The following OGDH variants were observed in gnomAD, a reference collection of about 807,000 sequenced individuals.
OGDH encodes the protein oxoglutarate dehydrogenase, also known as 2-oxoglutarate dehydrogenase complex component E1.
A neutral mutation model predicts 116.6 loss-of-function variants in OGDH; 38 were observed. The ratio of observed to expected loss-of-function variants is 0.33; its 90% CI spans 0.25 to 0.43. OGDH has a LOEUF of 0.43. Among genes scored for constraint, OGDH ranks in the 20% least tolerant of loss-of-function variants. OGDH has a pLI of 1.00. For missense variants in OGDH, 825 were observed against 1,357.2 expected, an observed-to-expected ratio of 0.61 and a Z score of 6.16; for synonymous variants, 488 against 533.3, an observed-to-expected ratio of 0.92 and a Z score of 1.17.
intron 1 of OGDH, among the ~76,000 whole-genome samples, chr7:44,610,788 T>C (rs1158284307): frequency 6.6e-6 from 1 of 151,996 alleles, no homozygotes. Flanking sequence ...TTTGTATTTT[T>C]AGTAGAGACG....
At position 44,694,545 on chromosome 7, in the gene OGDH, C is replaced by T. The variant is rs117062073; in HGVS notation, c.1637C>T (p.Ser546Leu). 1.5e-5 allele frequency: 24 copies of T among 1,613,940 alleles called. No homozygotes were observed. Among genetic ancestry groups the T allele is most frequent in the Admixed American group, 5.0e-5 (3 of 59,986 alleles). ...VLQKYAELLV[S>L]QGVVNQPEYE... ...CAGAAGTACGCTGAGCTGCTGGTGT[C>T]GCAGGGTGTGGTCAACCAGCCTGAG... Residue 546 changes from serine (S) to leucine (L), a missense_variant, in exon 12 of 23, where the codon TCG becomes TTG. Ser to Leu is a moderately radical substitution (Grantham distance 145). Transcript: ENST00000222673. The surrounding 1 kb of genome is among the most constrained non-coding windows in gnomAD (Gnocchi z 4.2).
intron 10 of OGDH, among the ~76,000 whole-genome samples, chr7:44,685,809 A>G (rs1585364564): frequency 6.6e-6 from 1 of 151,204 alleles, no homozygotes; most frequent in Non-Finnish European, 1.5e-5. Flanking sequence ...TTTCTTGTAG[A>G]GTTAGGGTCT....
At chr7:44,663,919 G>A (rs917659748) in intron 4 of OGDH, among the ~76,000 whole-genome samples, 4 of 151,170 alleles carry the variant, frequency 2.6e-5, no homozygotes, top group South Asian at 2.1e-4. Flanking sequence ...CAGCCTATGC[G>A]ACAGAGTGAG....
chr7:44,696,578 C>T (rs1248089492), intron 14 of OGDH, 21 bp downstream of exon 14: 3 of 1,613,740 alleles, frequency 1.9e-6, no homozygotes, highest in Non-Finnish European at 2.5e-6. Context: ...CTGTGCTGAC[C>T]TGTGGAAATG....
At chr7:44,651,979 C>T (rs1348993940) in intron 4 of OGDH, among the ~76,000 whole-genome samples, 4 of 152,182 alleles carry the variant, frequency 2.6e-5, no homozygotes, top group African/African-American at 9.7e-5. Context: ...GCTGGGATTA[C>T]AGGAGTGAGC....
chr7:44,674,945 G>A (rs1384088503), intron 7 of OGDH, among the ~76,000 whole-genome samples: 3 of 152,144 alleles, frequency 2.0e-5, no homozygotes, highest in Admixed American at 2.0e-4. Context: ...GAAGCCTCAG[G>A]CCCATGGCAT....
In OGDH at chr7:44,695,823, T is replaced by C. The variant is rs542301731; in HGVS notation, c.1669-202T>C. Reference sequence around the variant, plus strand: ...AGAATAAAATCTTAGAAAGGTGTTATGCCTATTGAGAAGGAGCAGGCCCAG... The same window carrying C: ...AGAATAAAATCTTAGAAAGGTGTTACGCCTATTGAGAAGGAGCAGGCCCAG... On this transcript the variant is annotated intron_variant, in intron 12 of 22. Coordinates refer to ENST00000222673, the MANE Select transcript of OGDH (RefSeq NM_002541.4). 3.9e-5 allele frequency among the ~76,000 whole-genome samples: 6 copies of C among 152,278 alleles called. No individual in the cohort carries two copies. The South Asian group carries it at 1.2e-3, about 32-fold the overall frequency.
intron 17 of OGDH, among the ~76,000 whole-genome samples, 178 bp from the exon 18 acceptor site, chr7:44,698,014 G>A (rs534384433): frequency 3.4e-4 from 52 of 152,322 alleles, no homozygotes; most frequent in African/African-American, 7.2e-4. Flanking sequence ...ATGCACAGGC[G>A]TCCAAGTGTG....
chr7:44,698,157 A>G, intron 17 of OGDH, 35 bp from the exon 18 acceptor site: 5 of 1,610,780 alleles, frequency 3.1e-6, no homozygotes, highest in Non-Finnish European at 4.2e-6. Context: ...AGTACGCAAG[A>G]GCTCTTAAAC....
chr7:44,625,412 A>G (rs1041040800), intron 2 of OGDH, among the ~76,000 whole-genome samples: 2 of 152,192 alleles, frequency 1.3e-5, no homozygotes, highest in Non-Finnish European at 2.9e-5. Flanking sequence ...GGTATGATCA[A>G]CCACGCCTGG....
intron 2 of OGDH, among the ~76,000 whole-genome samples, chr7:44,630,949 C>T (rs749752875): frequency 6.6e-6 from 1 of 152,148 alleles, no homozygotes; most frequent in Non-Finnish European, 1.5e-5. Context: ...AGTTGGCTCT[C>T]CCATGAGAAT....
At chr7:44,669,909 T>C (rs1787360790) in intron 5 of OGDH, among the ~76,000 whole-genome samples, 1 of 152,240 alleles carries the variant, frequency 6.6e-6, no homozygotes, top group South Asian at 2.1e-4. Context: ...TATGTTAGAT[T>C]GGTGATATAA....
At chr7:44,688,186 C>T (rs1788213178) in intron 10 of OGDH, among the ~76,000 whole-genome samples, 1 of 151,916 alleles carries the variant, frequency 6.6e-6, no homozygotes, top group Non-Finnish European at 1.5e-5. Flanking sequence ...GCCTGGCCAA[C>T]ATGATGAAAC....
chr7:44,681,576 C>T, intron 9 of OGDH, 144 bp from the exon 10 acceptor site: 1 of 1,087,366 alleles, frequency 9.2e-7, no homozygotes, highest in Non-Finnish European at 1.3e-6. Context: ...ATTTGGGGCC[C>T]TGTGGACTTT....
At chr7:44,662,832 G>C (rs1172111794) in intron 4 of OGDH, among the ~76,000 whole-genome samples, 1 of 152,088 alleles carries the variant, frequency 6.6e-6, no homozygotes, top group Non-Finnish European at 1.5e-5. Context: ...TTCCCTATAG[G>C]TAAAGTGTCA....
chr7:44,647,472 A>C, intron 3 of OGDH, 185 bp from the exon 4 acceptor site: 4 of 1,538,492 alleles, frequency 2.6e-6, no homozygotes, highest in Non-Finnish European at 3.5e-6. Flanking sequence ...GCAAAACTTG[A>C]TCCTCTCGGA....
chr7:44,624,618 C>G, intron 2 of OGDH, 53 bp downstream of exon 2: 2 of 1,500,444 alleles, frequency 1.3e-6, no homozygotes, highest in Non-Finnish European at 1.9e-6. Flanking sequence ...TGGCCTGTTC[C>G]TGACTGGTCA....
In OGDH at chr7:44,683,395, A is replaced by AT. The variant is rs1210593504; in HGVS notation, c.1335+1556dup. On this transcript the variant is annotated intron_variant, in intron 10 of 22. Transcript: ENST00000222673. ...AGACGTGCACCACCACTCCTGACTAATTTTTTTTTATTTTGTGTAGAGGCG... is the reference window on the plus strand; with the variant it reads ...AGACGTGCACCACCACTCCTGACTAATTTTTTTTTTATTTTGTGTAGAGGCG... Among the ~76,000 whole-genome samples, 147 of 151,142 alleles carry AT rather than the reference A, an allele frequency of 9.7e-4. 2 individuals carry two copies. The highest frequency in any genetic ancestry group is 3.4e-3 in the African/African-American group (140 of 41,224).
rs113502532 is a variant in OGDH at position 44,701,752 on chromosome 7, G to A, written c.2632+137G>A. 1.5e-3 allele frequency: 1,194 copies of A among 820,326 alleles called. 11 individuals are homozygous for A. The African/African-American group carries it at 0.017, about 12-fold the overall frequency. 50.8% of individuals were successfully genotyped at this position (820,326 alleles called of 1,614,324 possible). ...GCCAGATTTTTGGTTGTAAAGACCC[G>A]TGATACATGGCTGGGCACAGTGGCT... is the stretch of plus-strand genomic sequence containing the variant. On this transcript the variant is annotated intron_variant, in intron 20 of 22. Transcript: ENST00000222673.
Sources: gnomAD v4.1 joint callset for allele counts (sites outside exome capture counted in the v4.1 genomes callset) on GRCh38, gnomAD v4.1.1 for gene constraint, Gnocchi (gnomAD v3.1) non-coding constraint, MANE v1.5 for transcripts, NCBI Gene and HGNC (gene_info 2026-07-23, HGNC 2026-07-21) for gene names.